CHL1: variants seen among roughly 807,000 people sequenced by gnomAD.
CHL1 encodes neural cell adhesion molecule L1-like protein.
A neutral mutation model predicts 141.9 loss-of-function variants in CHL1; 96 were observed. That is an observed-to-expected ratio of 0.68 (90% confidence interval 0.57 to 0.80). The LOEUF is 0.80. Among genes scored for constraint, CHL1 ranks in the 30% least tolerant of loss-of-function variants. The pLI is 0.00. For missense variants in CHL1, 1,820 were observed against 1,457.2 expected, an observed-to-expected ratio of 1.25 and a Z score of -4.05; for synonymous variants, 613 against 502.2, an observed-to-expected ratio of 1.22 and a Z score of -2.95.
chr3:324,504 T>C (rs1700843301), intron 3 of CHL1, among the ~76,000 whole-genome samples: 1 of 152,134 alleles, frequency 6.6e-6, no homozygotes, highest in African/African-American at 2.4e-5. Flanking sequence ...CAAAGCTTAA[T>C]CCAAGTTGTA....
chr3:354,485 C>G (rs1221941012), intron 10 of CHL1, among the ~76,000 whole-genome samples, 155 bp from the exon 11 acceptor site: 1 of 152,038 alleles, frequency 6.6e-6, no homozygotes, highest in African/African-American at 2.4e-5. Flanking sequence ...GCAGCTCCCA[C>G]CTTGCTTTGC....
intron 1 of CHL1, among the ~76,000 whole-genome samples, chr3:226,288 C>A (rs1701336233): frequency 6.7e-6 from 1 of 148,864 alleles, no homozygotes; most frequent in Admixed American, 6.7e-5. Flanking sequence ...TCCCAAAGTG[C>A]GGATCCCAAA....
At chr3:337,084 T>C (rs1364120673) in intron 5 of CHL1, among the ~76,000 whole-genome samples, 1 of 152,188 alleles carries the variant, frequency 6.6e-6, no homozygotes, top group Non-Finnish European at 1.5e-5. Flanking sequence ...TGCTGTGATA[T>C]GCTTGCTTTG....
At chr3:275,819 T>C (rs1439506913) in intron 2 of CHL1, among the ~76,000 whole-genome samples, 1 of 152,134 alleles carries the variant, frequency 6.6e-6, no homozygotes, top group African/African-American at 2.4e-5. Flanking sequence ...AGTGCAAAGA[T>C]AAACTTACAT....
intron 1 of CHL1, among the ~76,000 whole-genome samples, chr3:216,396 T>C (rs1377207780): frequency 6.6e-6 from 1 of 152,246 alleles, no homozygotes; most frequent in Admixed American, 6.5e-5. Context: ...TTTTGTGTAT[T>C]CTTTCTAATG....
At chr3:226,245 C>T (rs1167193803) in intron 1 of CHL1, among the ~76,000 whole-genome samples, 5 of 150,002 alleles carry the variant, frequency 3.3e-5, no homozygotes, top group Non-Finnish European at 5.9e-5. Context: ...TAATGTTGAG[C>T]TCCTGGTGTC....
chr3:309,835 T>C (rs1438276833), intron 2 of CHL1, among the ~76,000 whole-genome samples: 1 of 152,210 alleles, frequency 6.6e-6, no homozygotes, highest in African/African-American at 2.4e-5. Context: ...CTAATTAGTT[T>C]TCTACTTTTA....
chr3:211,221 A>C (rs905697498), intron 1 of CHL1, among the ~76,000 whole-genome samples: 1 of 152,188 alleles, frequency 6.6e-6, no homozygotes. Context: ...TACAGCCACA[A>C]ATGGAAAAGG....
chr3:357,592 G>C (rs1703832334), intron 11 of CHL1, among the ~76,000 whole-genome samples: 1 of 152,136 alleles, frequency 6.6e-6, no homozygotes, highest in Non-Finnish European at 1.5e-5. Context: ...TTTATTGCAT[G>C]ATTTCTCACA....
In CHL1 at chr3:406,682, G is replaced by A. The variant is rs1428646212; in HGVS notation, c.*971G>A. 1.3e-5 allele frequency: 2 copies of A among 152,088 alleles called. No homozygotes were observed. The highest frequency in any genetic ancestry group is 4.8e-5 in the African/African-American group (2 of 41,522). The allele number at this position is 152,088 out of a possible 1,614,324, so 9.4% of individuals were successfully genotyped here. On this transcript the variant is annotated 3_prime_UTR_variant, in exon 28 of 28. Transcript: ENST00000256509. ...TGAAGTGAGAAAATGAACATTAACA[G>A]GCATGTTTGTACAGCTAGAATATAT...
intron 2 of CHL1, among the ~76,000 whole-genome samples, chr3:289,420 G>T (rs1251432630): frequency 2.7e-5 from 4 of 148,578 alleles, no homozygotes; most frequent in East Asian, 3.8e-4. Context: ...TGTGGTTTTT[G>T]CCATTAATAA....
At position 354,671 on chromosome 3, in the gene CHL1, T is replaced by A. The variant is rs1703560389; in HGVS notation, c.1065T>A (p.Ser355Arg). 6.2e-7 allele frequency: 1 copy of A among 1,613,732 alleles called. No homozygotes were observed. The highest frequency in any genetic ancestry group is 8.5e-7 in the Non-Finnish European group (1 of 1,179,780). ...CTCGCTGGACAAAGAAGCCTCAGAGTGCTGTGTATAGCACCGGAAGCAATG... is the reference window on the plus strand; with the variant it reads ...CTCGCTGGACAAAGAAGCCTCAGAGAGCTGTGTATAGCACCGGAAGCAATG... ...EPPRWTKKPQ[S>R]AVYSTGSNGI... Residue 355 changes from serine to arginine, a missense_variant, in exon 11 of 28, where the codon AGT becomes AGA. Coordinates refer to ENST00000256509, the MANE Select transcript of CHL1 (RefSeq NM_006614.4).
intron 2 of CHL1, among the ~76,000 whole-genome samples, chr3:245,815 A>T (rs1461947996): frequency 6.6e-6 from 1 of 152,112 alleles, no homozygotes; most frequent in Non-Finnish European, 1.5e-5. Context: ...CATACCAAGA[A>T]TAAGTCTATG....
intron 2 of CHL1, among the ~76,000 whole-genome samples, chr3:246,408 T>C (rs1033031863): frequency 5.3e-5 from 8 of 152,128 alleles, no homozygotes; most frequent in Non-Finnish European, 1.0e-4. Context: ...AAATCATTAT[T>C]TAATTCTACA....
intron 2 of CHL1, among the ~76,000 whole-genome samples, chr3:302,685 C>T (rs1315318996): frequency 6.6e-6 from 1 of 152,132 alleles, no homozygotes; most frequent in African/African-American, 2.4e-5. Context: ...TTCTCCCAAT[C>T]TGTAGGTTGC....
intron 1 of CHL1, among the ~76,000 whole-genome samples, chr3:212,495 C>A (rs907936301): frequency 2.6e-5 from 4 of 152,172 alleles, no homozygotes; most frequent in African/African-American, 9.7e-5. Flanking sequence ...CACCTGCAAC[C>A]TTTCCTTCAC....
chr3:323,461 T>C (rs886101098), intron 3 of CHL1, among the ~76,000 whole-genome samples: 2 of 152,098 alleles, frequency 1.3e-5, no homozygotes, highest in Non-Finnish European at 2.9e-5. Context: ...TACAAAATCA[T>C]TTGTAGATTA....
intron 1 of CHL1, among the ~76,000 whole-genome samples, chr3:211,788 C>A: frequency 6.6e-6 from 1 of 152,282 alleles, no homozygotes; most frequent in African/African-American, 2.4e-5. Flanking sequence ...GAATTTAGTT[C>A]TGTATTGGTA....
At chr3:359,034 A>C (rs1229838312) in intron 11 of CHL1, among the ~76,000 whole-genome samples, 1 of 147,930 alleles carries the variant, frequency 6.8e-6, no homozygotes, top group East Asian at 1.9e-4. Flanking sequence ...ATTTATATCT[A>C]TATATATACT....
Sources: gnomAD v4.1 joint callset for allele counts (sites outside exome capture counted in the v4.1 genomes callset) on GRCh38, gnomAD v4.1.1 for gene constraint, MANE v1.5 for transcripts, NCBI Gene and HGNC (gene_info 2026-07-23, HGNC 2026-07-21) for gene names.